The following DENND2B variants were observed in gnomAD, a reference collection of about 807,000 sequenced individuals.
The protein encoded by DENND2B is DENN domain containing 2B.
DENND2B carries 32 observed loss-of-function variants against 116.0 expected under a neutral mutation model. That is an observed-to-expected ratio of 0.28 (90% confidence interval 0.21 to 0.37). The LOEUF (loss-of-function observed/expected upper bound fraction) is 0.37, where lower values mean the gene tolerates loss of function less well. Ranked by LOEUF, DENND2B falls within the 10% of genes least tolerant of loss-of-function variation. DENND2B has a pLI of 1.00. For missense variants in DENND2B, 1,276 were observed against 1,477.7 expected, an observed-to-expected ratio of 0.86 and a Z score of 2.24; for synonymous variants, 588 against 583.9, an observed-to-expected ratio of 1.01 and a Z score of -0.10.
chr11:8,879,661 AT>A (rs1263229598), intron 2 of DENND2B, among the ~76,000 whole-genome samples: 3 of 152,096 alleles, frequency 2.0e-5, no homozygotes, highest in African/African-American at 7.2e-5. Flanking sequence ...AGAATAAAAT[AT>A]TTGTCCTCTG....
At chr11:8,764,942 C>CACAAAA in intron 1 of DENND2B, among the ~76,000 whole-genome samples, 1 of 100,290 alleles carries the variant, frequency 1.0e-5, no homozygotes, top group Non-Finnish European at 1.9e-5. Context: ...GAGACTGTCT[C>CACAAAA]AAAAAAAAAA....
rs187723012 is a variant in DENND2B, at chr11:8,838,514, A to G, written c.-115+796T>C. ...TGCATGTCTTTTTAAGCAAAACAAC[A>G]CAGCCAGAATGTTTGGCAGGGACTA... On this transcript the variant is annotated intron_variant, in intron 4 of 6. Transcript: ENST00000524757. Among the ~76,000 whole-genome samples the G allele has an allele frequency of 3.8e-4, 58 of 152,334 alleles. 2 individuals are homozygous for G. In the East Asian group the frequency reaches 7.5e-3, roughly 20 times the overall value.
At position 8,846,082 on chromosome 11, in the gene DENND2B, T is replaced by TGGGA. The variant is rs2062801928; in HGVS notation, c.-155-6736_-155-6733dup. Among the ~76,000 whole-genome samples, 3 of 152,272 alleles carry TGGGA rather than the reference T, an allele frequency of 2.0e-5. No individual in the cohort carries two copies. The South Asian group carries it at 6.2e-4, about 32-fold the overall frequency. On this transcript the variant is annotated intron_variant, in intron 3 of 6. Coordinates refer to the DENND2B transcript ENST00000524757. Reference sequence around the variant, plus strand: ...CCCACTGCAAGTAATGGTTTCTAGATGGGAAACCATGGTCCACAGAGCAAC... The same window carrying TGGGA: ...CCCACTGCAAGTAATGGTTTCTAGATGGGAGGGAAACCATGGTCCACAGAGCAAC...
chr11:8,878,458 C>T (rs1435805034), intron 2 of DENND2B, among the ~76,000 whole-genome samples: 1 of 151,298 alleles, frequency 6.6e-6, no homozygotes, highest in Non-Finnish European at 1.5e-5. Context: ...GGCGCGATCT[C>T]AGCTCACTGC....
At chr11:8,828,819 A>C (rs1446846540) in intron 4 of DENND2B, among the ~76,000 whole-genome samples, 1 of 152,178 alleles carries the variant, frequency 6.6e-6, no homozygotes, top group African/African-American at 2.4e-5. Context: ...GCTCCAACAG[A>C]GGAAGTTAAT....
chr11:8,772,160 C>G (rs1395413658), intron 1 of DENND2B, among the ~76,000 whole-genome samples: 1 of 147,372 alleles, frequency 6.8e-6, no homozygotes, highest in Non-Finnish European at 1.5e-5. Context: ...CACACACACA[C>G]CAAAATTTTG....
chr11:8,776,893 G>A (rs2057797426), intron 1 of DENND2B, among the ~76,000 whole-genome samples: 1 of 152,158 alleles, frequency 6.6e-6, no homozygotes, highest in Non-Finnish European at 1.5e-5. Flanking sequence ...TAGGCCTGAT[G>A]CTACTTGACT....
intron 1 of DENND2B, 103 bp from the exon 2 acceptor site, chr11:8,750,828 G>T: frequency 3.0e-6 from 3 of 991,840 alleles, no homozygotes; most frequent in Non-Finnish European, 4.7e-6. Context: ...GGTGTCTGTG[G>T]CAGGTAGTAG....
chr11:8,878,344 C>T (rs2063866261), intron 2 of DENND2B, among the ~76,000 whole-genome samples: 1 of 151,830 alleles, frequency 6.6e-6, no homozygotes, highest in South Asian at 2.1e-4. Flanking sequence ...GCACTATATA[C>T]AGGACCAAAA....
intron 2 of DENND2B, among the ~76,000 whole-genome samples, chr11:8,743,925 T>C (rs2050730891): frequency 6.6e-6 from 1 of 151,522 alleles, no homozygotes; most frequent in African/African-American, 2.4e-5. Flanking sequence ...TTTTTTTTTG[T>C]AGAGATGGGG....
At chr11:8,699,460 G>A in intron 14 of DENND2B, 70 bp from the exon 15 acceptor site, 1 of 1,473,882 alleles carries the variant, frequency 6.8e-7, no homozygotes, top group South Asian at 1.3e-5. Context: ...TGGAGGCTCA[G>A]GACAGCCTTT....
intron 11 of DENND2B, 78 bp downstream of exon 11, chr11:8,710,753 GCACACACACACACA>G (rs56230708): frequency 1.1e-4 from 93 of 831,662 alleles, no homozygotes; most frequent in East Asian, 2.9e-4. Context: ...TTGCAGAAGG[GCACACACACACACA>G]CACACACACA....
At chr11:8,753,731 C>T (rs1166371118) in intron 1 of DENND2B, among the ~76,000 whole-genome samples, 1 of 152,006 alleles carries the variant, frequency 6.6e-6, no homozygotes, top group Non-Finnish European at 1.5e-5. Flanking sequence ...CAACAGAATC[C>T]AGAGTCCAGA....
At chr11:8,905,666 C>T (rs1239866623) in intron 1 of DENND2B, among the ~76,000 whole-genome samples, 1 of 151,946 alleles carries the variant, frequency 6.6e-6, no homozygotes, top group African/African-American at 2.4e-5. Flanking sequence ...GGTGTGGGTG[C>T]GGCGGCTCAA....
At chr11:8,774,014 C>T (rs949631505) in intron 1 of DENND2B, 108 of 728,512 alleles carry the variant, frequency 1.5e-4, no homozygotes, top group Non-Finnish European at 1.7e-4. Context: ...GATGTGTTGC[C>T]TACCCTCTGT....
intron 1 of DENND2B, among the ~76,000 whole-genome samples, chr11:8,901,354 C>T (rs969615176): frequency 2.0e-5 from 3 of 151,166 alleles, no homozygotes; most frequent in African/African-American, 7.3e-5. Flanking sequence ...CTCAGCCTCC[C>T]GAGTAGCTGG....
chr11:8,782,543 A>G (rs2058473778), intron 1 of DENND2B, among the ~76,000 whole-genome samples: 1 of 152,186 alleles, frequency 6.6e-6, no homozygotes, highest in African/African-American at 2.4e-5. Context: ...GGGTACATAG[A>G]TTTTTATTAT....
chr11:8,828,906 G>A (rs1411251961), intron 4 of DENND2B, among the ~76,000 whole-genome samples: 1 of 152,130 alleles, frequency 6.6e-6, no homozygotes, highest in East Asian at 1.9e-4. Flanking sequence ...AAAGTAAGAT[G>A]AAAGGAAGGA....
At chr11:8,856,409 G>A (rs557742825) in intron 3 of DENND2B, among the ~76,000 whole-genome samples, 6 of 152,310 alleles carry the variant, frequency 3.9e-5, no homozygotes, top group African/African-American at 1.4e-4. Context: ...AATTTTTAAA[G>A]TATCATACAC....
Sources: allele counts gnomAD v4.1 joint callset (sites outside exome capture counted in the v4.1 genomes callset), GRCh38; gene constraint gnomAD v4.1.1; transcripts MANE v1.5; gene names NCBI Gene and HGNC (gene_info 2026-07-23, HGNC 2026-07-21).